MRPS25: variants seen among roughly 807,000 people sequenced by gnomAD.
MRPS25 encodes mitochondrial ribosomal protein S25.
A neutral mutation model predicts 17.3 loss-of-function variants in MRPS25; 15 were observed. The ratio of observed to expected loss-of-function variants is 0.87; its 90% CI spans 0.58 to 1.34. The LOEUF is 1.34. Among genes scored for constraint, MRPS25 ranks in the 40% most tolerant of loss-of-function variants. The pLI is 0.00. For missense variants in MRPS25, 225 were observed against 218.6 expected, an observed-to-expected ratio of 1.03 and a Z score of -0.19; for synonymous variants, 94 against 83.3, an observed-to-expected ratio of 1.13 and a Z score of -0.70.
In MRPS25 at chr3:15,050,902, G is replaced by A. The variant is rs2042595082; in HGVS notation, c.*1539C>T. On this transcript the variant is annotated 3_prime_UTR_variant, in exon 4 of 4. Coordinates refer to ENST00000253686, the MANE Select transcript of MRPS25 (RefSeq NM_022497.5). ...CCAACAGTTAATGAAACACATCGTA[G>A]TATGACATCATTTCACCAGCCAGCT... 4.1e-6 allele frequency: 4 copies of A among 985,358 alleles called. No individual in the cohort carries two copies. Among genetic ancestry groups the A allele is most frequent in the Non-Finnish European group, 4.8e-6 (4 of 829,932 alleles). 61.0% of individuals were successfully genotyped at this position (985,358 alleles called of 1,614,324 possible). A position where few individuals can be genotyped will look rare whatever the true frequency, so the allele number is the denominator to read the frequency against.
Position 15,050,623 on chromosome 3 carries a change from G to T in MRPS25, c.*1818C>A. 1.0e-6 allele frequency: 1 copy of T among 985,314 alleles called. No homozygotes were observed. Among genetic ancestry groups the T allele is most frequent in the Middle Eastern group, 5.2e-4 (1 of 1,914 alleles). 61.0% of individuals were successfully genotyped at this position (985,314 alleles called of 1,614,324 possible). A position where few individuals can be genotyped will look rare whatever the true frequency, so the allele number is the denominator to read the frequency against. On this transcript the variant is annotated 3_prime_UTR_variant, in exon 4 of 4. Coordinates refer to ENST00000253686, the MANE Select transcript of MRPS25 (RefSeq NM_022497.5). The stretch of plus-strand genomic sequence containing the variant: ...GAACTGAAACCAGCAGACATGGGAG[G>T]GCTCTCTGTGGAGGAGAGCTTTTTC...
At chr3:15,059,917 G>C (rs975371594) in intron 1 of MRPS25, among the ~76,000 whole-genome samples, 2 of 151,476 alleles carry the variant, frequency 1.3e-5, no homozygotes, top group Non-Finnish European at 2.9e-5. Flanking sequence ...CAATTGAGGA[G>C]TGGAGGAACA....
Position 15,050,192 on chromosome 3 carries a change from A to T in MRPS25, c.*2249T>A. On this transcript the variant is annotated 3_prime_UTR_variant, in exon 4 of 4. Coordinates refer to ENST00000253686, the MANE Select transcript of MRPS25 (RefSeq NM_022497.5). ...AAAATAATGTTTATTTCCACAAATT[A>T]TCTGCTGCCTGTGAAGCTGGCCACA... 1 of 1,198,948 alleles carries T rather than the reference A, an allele frequency of 8.3e-7. No individual in the cohort carries two copies. The highest frequency in any genetic ancestry group is 1.0e-6 in the Non-Finnish European group (1 of 965,846). 74.3% of individuals were successfully genotyped at this position (1,198,948 alleles called of 1,614,324 possible). A position where few individuals can be genotyped will look rare whatever the true frequency, so the allele number is the denominator to read the frequency against.
In MRPS25 at chr3:15,050,995, G is replaced by A; in HGVS notation, c.*1446C>T. 4.1e-6 allele frequency: 4 copies of A among 984,688 alleles called. No homozygotes were observed. The highest frequency in any genetic ancestry group is 4.8e-6 in the Non-Finnish European group (4 of 829,338). 61.0% of individuals were successfully genotyped at this position (984,688 alleles called of 1,614,324 possible). A position where few individuals can be genotyped will look rare whatever the true frequency, so the allele number is the denominator to read the frequency against. ...ACAAAACCAGTTACAGACCTGGAAA[G>A]CTTTTAGGACTTGACCAAGGCCCCA... On this transcript the variant is annotated 3_prime_UTR_variant, in exon 4 of 4. Coordinates refer to ENST00000253686, the MANE Select transcript of MRPS25 (RefSeq NM_022497.5).
In MRPS25 at chr3:15,062,334, G is replaced by T. The variant is rs1422148980; in HGVS notation, c.134+2727C>A. Among the ~76,000 whole-genome samples, 2 of 70,184 alleles carry T rather than the reference G, an allele frequency of 2.8e-5. 1 individual carries two copies. Among genetic ancestry groups the T allele is most frequent in the African/African-American group, 1.1e-4 (2 of 18,280 alleles). The allele number at this position is 70,184 out of a possible 152,430, so 46.0% of individuals were successfully genotyped here. On this transcript the variant is annotated intron_variant, in intron 1 of 3. Coordinates refer to ENST00000253686, the MANE Select transcript of MRPS25 (RefSeq NM_022497.5). ...GTGAGGGGGCGCCTCTGCCCGGGCC[G>T]CCCCTACTGGGAAGTGAGGAGCCCC...
In MRPS25 at chr3:15,050,031, CATTTTCTCTAATTA is replaced by C. The variant is rs748430272; in HGVS notation, c.*2396_*2409del. On this transcript the variant is annotated 3_prime_UTR_variant, in exon 4 of 4. Coordinates refer to ENST00000253686, the MANE Select transcript of MRPS25 (RefSeq NM_022497.5). The stretch of plus-strand genomic sequence containing the variant: ...CATGTTATCAATTATAAAATCCTCA[CATTTTCTCTAATTA>C]ATTTTCTCCCATTTCTGTATATTTT... The C allele has an allele frequency of 3.1e-5, 45 of 1,458,518 alleles. No individual in the cohort carries two copies. The highest frequency in any genetic ancestry group is 4.0e-5 in the Non-Finnish European group (45 of 1,120,362). 90.3% of individuals were successfully genotyped at this position (1,458,518 alleles called of 1,614,324 possible).
At chr3:15,044,661 T>A (rs1361256104), downstream of MRPS25, 1 of 152,222 alleles carries the variant, frequency 6.6e-6, no homozygotes, top group Non-Finnish European at 1.5e-5. Flanking sequence ...TCAGATGATA[T>A]CCAAAAAGAT....
At position 15,060,001 on chromosome 3, in the gene MRPS25, T is replaced by C. The variant is rs150866028; in HGVS notation, c.135-526A>G. Among the ~76,000 whole-genome samples, 543 of 143,828 alleles carry C rather than the reference T, an allele frequency of 3.8e-3. 1 individual carries two copies. The highest frequency in any genetic ancestry group is 6.2e-3 in the Non-Finnish European group (408 of 65,910). The allele number at this position is 143,828 out of a possible 152,430, so 94.4% of individuals were successfully genotyped here. A position where few individuals can be genotyped will look rare whatever the true frequency, so the allele number is the denominator to read the frequency against. ...AAAGGCCTTGCAAAAAAAAAAAAAA[T>C]GCATAATCATAGTATTCTATTTGGC... On this transcript the variant is annotated intron_variant, in intron 1 of 3. Coordinates refer to ENST00000253686, the MANE Select transcript of MRPS25 (RefSeq NM_022497.5).
chr3:15,065,215 C>G lies in MRPS25; in HGVS notation c.-21G>C. ...GGCATGGCGGCAACGGTGGCGGGGC[C>G]GACCCCACGGGCCGCGAGCCGAGCA... On this transcript the variant is annotated 5_prime_UTR_variant, in exon 1 of 4. Transcript: ENST00000253686. 6.4e-7 allele frequency: 1 copy of G among 1,567,302 alleles called. No homozygotes were observed. The highest frequency in any genetic ancestry group is 1.4e-5 in the African/African-American group (1 of 73,658).
chr3:15,062,721 C>G (rs2042794805), intron 1 of MRPS25, among the ~76,000 whole-genome samples: 2 of 152,148 alleles, frequency 1.3e-5, no homozygotes, highest in African/African-American at 4.8e-5. Context: ...TTGTTCTGTA[C>G]TAAGAAAAAT....
Position 15,049,955 on chromosome 3 carries a change from G to GTCACT in MRPS25, c.*2481_*2485dup, listed in dbSNP as rs1381099744. The GTCACT allele has an allele frequency of 2.0e-6, 3 of 1,528,100 alleles. No individual in the cohort carries two copies. In the African/African-American group the frequency reaches 4.1e-5, roughly 21 times the overall value. The allele number at this position is 1,528,100 out of a possible 1,614,324, so 94.7% of individuals were successfully genotyped here. On this transcript the variant is annotated 3_prime_UTR_variant, in exon 4 of 4. Coordinates refer to ENST00000253686, the MANE Select transcript of MRPS25 (RefSeq NM_022497.5). ...TAGTGCCTCAAAGAGAAGAAAAGTG[G>GTCACT]TCACTTCAGAATAAGGCTGTGAACA... is the stretch of plus-strand genomic sequence containing the variant.
intron 1 of MRPS25, among the ~76,000 whole-genome samples, chr3:15,062,685 G>C (rs1211141888): frequency 6.6e-6 from 1 of 152,212 alleles, no homozygotes; most frequent in African/African-American, 2.4e-5. Context: ...TGTGTGGAAA[G>C]AGGTAGACAT....
rs2042595682 is a variant in MRPS25, at chr3:15,050,970, A to C, written c.*1471T>G. ...AGGTAACCTTTTCCCCATTTTACAGACAAAACCAGTTACAGACCTGGAAAG... is the reference window on the plus strand; with the variant it reads ...AGGTAACCTTTTCCCCATTTTACAGCCAAAACCAGTTACAGACCTGGAAAG... On this transcript the variant is annotated 3_prime_UTR_variant, in exon 4 of 4. Coordinates refer to ENST00000253686, the MANE Select transcript of MRPS25 (RefSeq NM_022497.5). 1.0e-6 allele frequency: 1 copy of C among 985,266 alleles called. No individual in the cohort carries two copies. The highest frequency in any genetic ancestry group is 1.7e-5 in the African/African-American group (1 of 57,234). The allele number at this position is 985,266 out of a possible 1,614,324, so 61.0% of individuals were successfully genotyped here.
chr3:15,055,750 A>T (rs1187696018), intron 2 of MRPS25, among the ~76,000 whole-genome samples: 1 of 152,198 alleles, frequency 6.6e-6, no homozygotes. Flanking sequence ...TTAAATGATA[A>T]ACTGAATTAA....
At chr3:15,054,211 G>GA (rs955724341) in intron 2 of MRPS25, among the ~76,000 whole-genome samples, 172 of 139,132 alleles carry the variant, frequency 1.2e-3, no homozygotes, top group African/African-American at 3.4e-3. Flanking sequence ...ACTTTGTCTC[G>GA]AAAAAAAAAA....
chr3:15,052,234 A>G lies in MRPS25; in HGVS notation c.*207T>C, dbSNP rs1216188662. 1 of 1,302,520 alleles carries G rather than the reference A, an allele frequency of 7.7e-7. No homozygotes were observed. Among genetic ancestry groups the G allele is most frequent in the Non-Finnish European group, 9.7e-7 (1 of 1,027,662 alleles). 80.7% of individuals were successfully genotyped at this position (1,302,520 alleles called of 1,614,324 possible). ...GCTATTAGGAAGCGTTTTATTGACC[A>G]GCAGAGCAGGGATATTCATTTAGCA... On this transcript the variant is annotated 3_prime_UTR_variant, in exon 4 of 4. Coordinates refer to ENST00000253686, the MANE Select transcript of MRPS25 (RefSeq NM_022497.5).
chr3:15,050,103 G>A lies in MRPS25; in HGVS notation c.*2338C>T. ...TCTTTCATCACTACTAAACAAAATA[G>A]GGAAAGACAAAGGTTTAAAGAGAAA... On this transcript the variant is annotated 3_prime_UTR_variant, in exon 4 of 4. Transcript: ENST00000253686. The A allele has an allele frequency of 7.2e-7, 1 of 1,395,332 alleles. No homozygotes were observed. Among genetic ancestry groups the A allele is most frequent in the South Asian group, 1.7e-5 (1 of 59,522 alleles). 86.4% of individuals were successfully genotyped at this position (1,395,332 alleles called of 1,614,324 possible). A position where few individuals can be genotyped will look rare whatever the true frequency, so the allele number is the denominator to read the frequency against.
intron 1 of MRPS25, among the ~76,000 whole-genome samples, chr3:15,063,999 A>C (rs1277898034): frequency 6.6e-6 from 1 of 152,202 alleles, no homozygotes; most frequent in Non-Finnish European, 1.5e-5. Flanking sequence ...GGTCCAAGTT[A>C]TCAGATTCAC....
downstream of MRPS25, chr3:15,042,581 G>A (rs149822165): frequency 4.5e-5 from 16 of 357,082 alleles, no homozygotes; most frequent in African/African-American, 2.9e-4. Context: ...TCTCTTGGTG[G>A]TGGGGGTGAG....
Sources: gnomAD v4.1 joint callset for allele counts (sites outside exome capture counted in the v4.1 genomes callset) on GRCh38, gnomAD v4.1.1 for gene constraint, MANE v1.5 for transcripts, NCBI Gene and HGNC (gene_info 2026-07-23, HGNC 2026-07-21) for gene names.